Variants in RSPO1 observed in about 807,000 individuals in gnomAD.
RSPO1 encodes the protein R-spondin-1.
A neutral mutation model predicts 26.0 loss-of-function variants in RSPO1; 18 were observed. That is an observed-to-expected ratio of 0.69 (90% confidence interval 0.48 to 1.03). The LOEUF is 1.03. RSPO1 is among the 50% of genes least tolerant of loss of function. The probability of loss-of-function intolerance (pLI) is 0.00; values close to 1 mark genes in which losing one functional copy is unlikely to be tolerated. For synonymous variants in RSPO1, 133 were observed against 137.4 expected (o/e 0.97, Z 0.22); for missense variants, 309 against 352.3 (o/e 0.88, Z 0.98).
chr1:37,614,350 T>G lies in RSPO1; in HGVS notation c.287-17A>C, dbSNP rs766425199. 3 of 1,613,218 alleles carry G rather than the reference T, an allele frequency of 1.9e-6. No homozygotes were observed. The highest frequency in any genetic ancestry group is 2.5e-6 in the Non-Finnish European group (3 of 1,180,008). On this transcript the variant is annotated splice_polypyrimidine_tract_variant and intron_variant, in intron 4 of 6. Coordinates refer to ENST00000356545, the MANE Select transcript of RSPO1 (RefSeq NM_001242908.2). ...TCTTGCATTCTGAGGAGAGGACAGA[T>G]TGGGGGCTTCTGGCCCAGCCTGGTG...
rs1644030723 is a variant in RSPO1 at position 37,611,891 on chromosome 1, G to A, written c.*864C>T. On this transcript the variant is annotated 3_prime_UTR_variant, in exon 7 of 7. Transcript: ENST00000356545. ...CTCTGGCTCACCAGGTCTGGAATGA[G>A]ACCTGAGATTCTCATTCCTAACAAG... The A allele has an allele frequency of 6.6e-6, 1 of 152,336 alleles. No homozygotes were observed. Among genetic ancestry groups the A allele is most frequent in the Admixed American group, 6.5e-5 (1 of 15,280 alleles). The allele number at this position is 152,336 out of a possible 1,614,324, so 9.4% of individuals were successfully genotyped here. A position where few individuals can be genotyped will look rare whatever the true frequency, so the allele number is the denominator to read the frequency against.
At chr1:37,626,098 C>G (rs562404053) in intron 3 of RSPO1, among the ~76,000 whole-genome samples, 6 of 152,214 alleles carry the variant, frequency 3.9e-5, no homozygotes, top group Admixed American at 1.3e-4. Flanking sequence ...GGGCTCTGGG[C>G]TCCTTGATGA....
At chr1:37,617,661 CAAAAAAAAAA>C (rs34856591) in intron 3 of RSPO1, among the ~76,000 whole-genome samples, 699 of 36,360 alleles carry the variant, frequency 0.019, 13 homozygotes, top group African/African-American at 0.063. Flanking sequence ...GACTCCATCT[CAAAAAAAAAA>C]AAAAAAAAAA....
At chr1:37,631,272 T>A (rs984844560) in intron 2 of RSPO1, among the ~76,000 whole-genome samples, 2 of 152,208 alleles carry the variant, frequency 1.3e-5, no homozygotes, top group African/African-American at 2.4e-5. Context: ...TTAAGCTGCC[T>A]GTGAGAAGTG....
intron 4 of RSPO1, among the ~76,000 whole-genome samples, chr1:37,615,320 AG>A (rs1644094542): frequency 6.6e-6 from 1 of 152,200 alleles, no homozygotes; most frequent in South Asian, 2.1e-4. Context: ...AACAAAAATA[AG>A]AACAATAGCA....
chr1:37,629,999 C>G (rs977389938), intron 2 of RSPO1, 50 bp from the exon 3 acceptor site: 11 of 806,700 alleles, frequency 1.4e-5, no homozygotes, highest in African/African-American at 3.4e-5. Context: ...CATGAACACT[C>G]CCACTTATGC....
At chr1:37,633,759 A>G (rs1644396346) in intron 1 of RSPO1, among the ~76,000 whole-genome samples, 1 of 152,012 alleles carries the variant, frequency 6.6e-6, no homozygotes, top group Non-Finnish European at 1.5e-5. Flanking sequence ...CCCCCTCCAA[A>G]AGCAAGGGCA....
At chr1:37,630,218 A>G (rs1341234426) in intron 2 of RSPO1, among the ~76,000 whole-genome samples, 2 of 152,228 alleles carry the variant, frequency 1.3e-5, no homozygotes, top group South Asian at 2.1e-4. Context: ...AACGGGAGCC[A>G]GCTGGTCCCA....
In RSPO1 at chr1:37,634,373, G is replaced by A. The variant is rs568342855; in HGVS notation, c.-356+193C>T. Among the ~76,000 whole-genome samples, 60 of 152,160 alleles carry A rather than the reference G, an allele frequency of 3.9e-4. No homozygotes were observed. Among genetic ancestry groups the A allele is most frequent in the Non-Finnish European group, 7.5e-4 (51 of 67,984 alleles). On this transcript the variant is annotated intron_variant, in intron 1 of 6. Coordinates refer to ENST00000356545, the MANE Select transcript of RSPO1 (RefSeq NM_001242908.2). The surrounding 1 kb of genome is among the most constrained non-coding windows in gnomAD (Gnocchi z 4.7). ...TGCTGGATTGAGGGCCGACGGGGGC[G>A]GCAGACTTGCAGGAAGGGTGCAGGA... is the stretch of plus-strand genomic sequence containing the variant.
intron 3 of RSPO1, among the ~76,000 whole-genome samples, chr1:37,628,966 C>T (rs1178595442): frequency 2.0e-5 from 3 of 152,206 alleles, no homozygotes; most frequent in African/African-American, 4.8e-5. Context: ...GAAGCGTGGT[C>T]GGGCCAGACC....
intron 5 of RSPO1, 86 bp downstream of exon 5, chr1:37,614,098 G>A: frequency 6.7e-7 from 1 of 1,500,266 alleles, no homozygotes; most frequent in Non-Finnish European, 9.1e-7. Flanking sequence ...CAGTGCCCCA[G>A]CCCACCCGCT....
At chr1:37,625,456 G>C (rs1644261531) in intron 3 of RSPO1, among the ~76,000 whole-genome samples, 1 of 152,134 alleles carries the variant, frequency 6.6e-6, no homozygotes. Context: ...TTTTGGGGTG[G>C]AATCTAGTCT....
intron 5 of RSPO1, 28 bp downstream of exon 5, chr1:37,614,156 T>C (rs747430312): frequency 6.2e-7 from 1 of 1,610,662 alleles, no homozygotes; most frequent in Non-Finnish European, 8.5e-7. Context: ...TCCTGGACCC[T>C]CTGCCCACAG....
At chr1:37,626,530 C>T (rs948105634) in intron 3 of RSPO1, among the ~76,000 whole-genome samples, 14 of 152,148 alleles carry the variant, frequency 9.2e-5, no homozygotes, top group East Asian at 1.9e-4. Flanking sequence ...CACTCGCTTG[C>T]GGGCTCCTCG....
At chr1:37,616,789 G>C (rs1174277389) in intron 3 of RSPO1, 114 bp from the exon 4 acceptor site, 1 of 1,036,788 alleles carries the variant, frequency 9.6e-7, no homozygotes, top group Non-Finnish European at 1.5e-6. Context: ...GAAGGAATAT[G>C]CTTCTCAGAA....
rs1289033140 is a variant in RSPO1, at chr1:37,613,771, G to A, written c.558C>T (p.Asp186=). 6.2e-7 allele frequency: 1 copy of A among 1,613,970 alleles called. No individual in the cohort carries two copies. Among genetic ancestry groups the A allele is most frequent in the Admixed American group, 1.7e-5 (1 of 60,032 alleles). Residue 186 remains aspartate, a synonymous_variant, in exon 6 of 7, where the codon GAC becomes GAT. Transcript: ENST00000356545. The surrounding 1 kb of genome is among the most constrained non-coding windows in gnomAD (Gnocchi z 4.5). ...TRRVLHAPVG[D]HAACSDTKET... ...CCTTGGTGTCAGAGCAGGCAGCATG[G>A]TCCCCCACAGGGGCATGTAGCACCC...
rs1243137029 is a variant in RSPO1, at chr1:37,613,315, G to A, written c.625+389C>T. Among the ~76,000 whole-genome samples, 2 of 152,226 alleles carry A rather than the reference G, an allele frequency of 1.3e-5. No homozygotes were observed. Among genetic ancestry groups the A allele is most frequent in the Admixed American group, 6.5e-5 (1 of 15,276 alleles). On this transcript the variant is annotated intron_variant, in intron 6 of 6. Transcript: ENST00000356545. The surrounding 1 kb of genome is among the most constrained non-coding windows in gnomAD (Gnocchi z 4.5). The stretch of plus-strand genomic sequence containing the variant: ...ACCAGCCACCTCTGGGGCCAGGCAA[G>A]AGCAGCAGCCAACCCCTTGCCAACT...
chr1:37,620,888 T>C (rs1221652100), intron 3 of RSPO1, among the ~76,000 whole-genome samples: 2 of 152,152 alleles, frequency 1.3e-5, no homozygotes, highest in Non-Finnish European at 2.9e-5. Context: ...TTTAATTCAT[T>C]GTTGACATGA....
At chr1:37,623,239 A>G in intron 3 of RSPO1, among the ~76,000 whole-genome samples, 1 of 142,338 alleles carries the variant, frequency 7.0e-6, no homozygotes, top group Non-Finnish European at 1.5e-5. Flanking sequence ...ATGGGGGGAG[A>G]GGAGAGGGGG....
Sources: allele counts gnomAD v4.1 joint callset (sites outside exome capture counted in the v4.1 genomes callset), GRCh38; gene constraint gnomAD v4.1.1; non-coding constraint Gnocchi (gnomAD v3.1); transcripts MANE v1.5; gene names NCBI Gene and HGNC (gene_info 2026-07-23, HGNC 2026-07-21).